The following SCMH1 variants were observed in gnomAD, a reference collection of about 807,000 sequenced individuals.
SCMH1 encodes Scm polycomb group protein homolog 1.
In SCMH1, 37 loss-of-function variants were observed where a neutral mutation model predicts 70.8. The observed-to-expected ratio is 0.52, with a 90% CI of 0.40 to 0.69. SCMH1 has a LOEUF of 0.69. SCMH1 is among the 30% of genes least tolerant of loss of function. SCMH1 has a pLI of 0.00. For missense variants in SCMH1, 607 were observed against 827.3 expected (o/e 0.73, Z 3.27); for synonymous variants, 292 against 307.4 (o/e 0.95, Z 0.52).
chr1:41,155,619 AAGAGGT>A (rs1390961196), intron 4 of SCMH1, among the ~76,000 whole-genome samples: 1 of 152,146 alleles, frequency 6.6e-6, no homozygotes, highest in Non-Finnish European at 1.5e-5. Flanking sequence ...AAATAAAAGT[AAGAGGT>A]AAAGAAGGTG....
Position 41,136,461 on chromosome 1 carries a change from G to A in SCMH1, c.412+6417C>T, listed in dbSNP as rs777448252. On this transcript the variant is annotated intron_variant, in intron 6 of 14. Transcript: ENST00000337495. ...GGCGCAATCTTGGCTCACTGCAACC[G>A]CCACCTCCCAGGTTCAAGTGATTCT... Among the ~76,000 whole-genome samples the A allele has an allele frequency of 8.9e-4, 133 of 148,814 alleles. 1 individual carries two copies. In the Middle Eastern group the frequency reaches 0.017, roughly 19 times the overall value.
intron 2 of SCMH1, among the ~76,000 whole-genome samples, chr1:41,174,261 A>AT (rs140469563): frequency 0.24 from 33,753 of 141,790 alleles, 4,718 homozygotes; most frequent in Non-Finnish European, 0.32. Flanking sequence ...AAAGTCTCCA[A>AT]TTTTTTTTTT....
At chr1:41,090,366 G>A (rs116096722) in intron 8 of SCMH1, among the ~76,000 whole-genome samples, 2,467 of 152,098 alleles carry the variant, frequency 0.016, 27 homozygotes, top group South Asian at 0.03. Context: ...TCTAACAGAA[G>A]GCAGTTAGAT....
At chr1:41,087,662 T>C (rs1662115695) in intron 8 of SCMH1, among the ~76,000 whole-genome samples, 2 of 152,176 alleles carry the variant, frequency 1.3e-5, no homozygotes, top group Non-Finnish European at 2.9e-5. Context: ...CTTGATAATA[T>C]ACTCTGTTGG....
intron 6 of SCMH1, among the ~76,000 whole-genome samples, chr1:41,136,743 CA>C (rs1643398970): frequency 6.9e-6 from 1 of 144,932 alleles, no homozygotes; most frequent in Non-Finnish European, 1.5e-5. Context: ...TTGTCTATTT[CA>C]TGGACATTTT....
rs545490699 is a variant in SCMH1 at position 41,168,612 on chromosome 1, T to C, written c.14-7180A>G. 2.6e-5 allele frequency among the ~76,000 whole-genome samples: 4 copies of C among 151,788 alleles called. No homozygotes were observed. In the South Asian group the frequency reaches 8.3e-4, roughly 32 times the overall value. On this transcript the variant is annotated intron_variant, in intron 2 of 14. Coordinates refer to ENST00000337495, the Ensembl canonical transcript of SCMH1. ...CTGTCAGGTAAATCACATATCTCTA[T>C]TTCACTTGTGGAGATTTGTCTTTTT...
At chr1:41,180,661 A>C (rs953839622) in intron 2 of SCMH1, among the ~76,000 whole-genome samples, 5 of 152,228 alleles carry the variant, frequency 3.3e-5, no homozygotes, top group African/African-American at 1.2e-4. Context: ...GAGCTCTTTA[A>C]GGAGAACTAC....
chr1:41,192,608 C>G (rs936263110), intron 1 of SCMH1, among the ~76,000 whole-genome samples: 1 of 151,968 alleles, frequency 6.6e-6, no homozygotes, highest in Non-Finnish European at 1.5e-5. Flanking sequence ...CATCATCATC[C>G]TTTGCTACTA....
At chr1:41,131,757 C>T (rs536362416) in intron 6 of SCMH1, among the ~76,000 whole-genome samples, 3 of 152,236 alleles carry the variant, frequency 2.0e-5, no homozygotes, top group African/African-American at 7.2e-5. Context: ...CCTGTGTCCA[C>T]GTGTTCTCAT....
intron 1 of SCMH1, among the ~76,000 whole-genome samples, chr1:41,217,086 G>T (rs981122668): frequency 3.9e-5 from 6 of 152,180 alleles, no homozygotes; most frequent in Admixed American, 3.9e-4. Context: ...ATTTTGAGAT[G>T]CTTGATAGAA....
intron 8 of SCMH1, among the ~76,000 whole-genome samples, chr1:41,081,956 G>GA (rs1660166612): frequency 6.6e-6 from 1 of 152,040 alleles, no homozygotes; most frequent in African/African-American, 2.4e-5. Context: ...TCTGTGGAGA[G>GA]AAAAAATGGT....
intron 1 of SCMH1, among the ~76,000 whole-genome samples, chr1:41,208,993 A>G (rs190675593): frequency 2.0e-5 from 3 of 152,364 alleles, no homozygotes; most frequent in African/African-American, 7.2e-5. Context: ...CAAGACTAGT[A>G]AAGAAGAAAA....
At chr1:41,132,077 T>G (rs1396632416) in intron 6 of SCMH1, among the ~76,000 whole-genome samples, 2 of 152,248 alleles carry the variant, frequency 1.3e-5, no homozygotes, top group Non-Finnish European at 2.9e-5. Flanking sequence ...ATGGGATCAC[T>G]GGGTCAAATG....
At chr1:41,195,378 T>G (rs1267730741) in intron 1 of SCMH1, among the ~76,000 whole-genome samples, 1 of 151,572 alleles carries the variant, frequency 6.6e-6, no homozygotes, top group Non-Finnish European at 1.5e-5. Context: ...AATTACCAAG[T>G]GAGGTTTATT....
At chr1:41,121,362 A>G (rs761225385) in intron 6 of SCMH1, among the ~76,000 whole-genome samples, 9 of 152,240 alleles carry the variant, frequency 5.9e-5, no homozygotes, top group African/African-American at 1.2e-4. Context: ...TTTCATAACT[A>G]ATCATCACAT....
chr1:41,086,888 C>A (rs28637058), intron 8 of SCMH1, among the ~76,000 whole-genome samples: 85 of 126,696 alleles, frequency 6.7e-4, no homozygotes, highest in East Asian at 2.1e-3. Context: ...AAAACAAAAC[C>A]AAAAAAAAAA....
intron 1 of SCMH1, among the ~76,000 whole-genome samples, chr1:41,221,614 G>A (rs1390883941): frequency 3.3e-5 from 5 of 150,344 alleles, no homozygotes; most frequent in Non-Finnish European, 5.9e-5. Context: ...GGGCCCAGGC[G>A]CGGTGGCTCA....
At chr1:41,211,872 T>A (rs61774687) in intron 1 of SCMH1, among the ~76,000 whole-genome samples, 22,696 of 152,094 alleles carry the variant, frequency 0.15, 2,203 homozygotes, top group Non-Finnish European at 0.21. Context: ...TGCAGGGACA[T>A]GAATGAAGCT....
At chr1:41,071,800 C>T (rs1656618765) in intron 9 of SCMH1, among the ~76,000 whole-genome samples, 2 of 151,960 alleles carry the variant, frequency 1.3e-5, no homozygotes, top group South Asian at 2.1e-4. Flanking sequence ...GTAACTGGGA[C>T]TACAGGTGTG....
Sources: gnomAD v4.1 joint callset for allele counts (sites outside exome capture counted in the v4.1 genomes callset) on GRCh38, gnomAD v4.1.1 for gene constraint, MANE v1.5 for transcripts, NCBI Gene and HGNC (gene_info 2026-07-23, HGNC 2026-07-21) for gene names.